The following NAGPA variants were observed in gnomAD, a reference collection of about 807,000 sequenced individuals.
NAGPA encodes alpha-N-acetylglucosaminyl phosphodiesterase.
In NAGPA, 56 loss-of-function variants were observed where a neutral mutation model predicts 48.5. The ratio of observed to expected loss-of-function variants is 1.15; its 90% CI spans 0.93 to 1.44. NAGPA has a LOEUF of 1.44. NAGPA is among the 40% of genes most tolerant of loss of function. The pLI is 0.00. For synonymous variants in NAGPA, 399 were observed against 315.5 expected, an observed-to-expected ratio of 1.26 and a Z score of -2.81; for missense variants, 888 against 735.0, an observed-to-expected ratio of 1.21 and a Z score of -2.41.
chr16:5,027,467 T>C, intron 7 of NAGPA, 88 bp from the exon 8 acceptor site: 2 of 1,366,444 alleles, frequency 1.5e-6, no homozygotes, highest in South Asian at 2.4e-5. Context: ...ACAGGATACC[T>C]GCCCCTGCCC....
chr16:5,029,122 T>G (rs533829129), intron 4 of NAGPA, 114 bp from the exon 5 acceptor site: 1 of 1,547,518 alleles, frequency 6.5e-7, no homozygotes, highest in Admixed American at 1.7e-5. Context: ...CATTTCTAAG[T>G]GGCCCCCGCC....
chr16:5,031,501 CT>C (rs1956095750), intron 3 of NAGPA: 1 of 533,082 alleles, frequency 1.9e-6, no homozygotes, highest in South Asian at 2.0e-5. Context: ...CATCTCTCCC[CT>C]TTCCCCTAAC....
At chr16:5,027,528 T>C (rs918285746) in intron 7 of NAGPA, 149 bp from the exon 8 acceptor site, 1 of 857,886 alleles carries the variant, frequency 1.2e-6, no homozygotes, top group Non-Finnish European at 1.9e-6. Context: ...CTCCCTGGAC[T>C]AGCCCCTGAA....
intron 7 of NAGPA, 125 bp downstream of exon 7, chr16:5,027,720 GC>G (rs1596661144): frequency 7.2e-7 from 1 of 1,383,410 alleles, no homozygotes; most frequent in East Asian, 2.5e-5. Flanking sequence ...TGCAGGTGAG[GC>G]CGGGGCAGAA....
chr16:5,031,853 C>T lies in NAGPA; in HGVS notation c.574G>A (p.Glu192Lys), dbSNP rs1956103318. ...CTCAGCAGCTGCACAAATGGGTTCT[C>T]AGTGTCCAGCACCTCCTCCTCAGAC... ...YLSEEEVLDT[E>K]NPFVQLLSGV... Residue 192 changes from glutamate (E) to lysine (K), a missense_variant, in exon 3 of 10, where the codon GAG (glutamate) becomes AAG (lysine). Physicochemically the swap from Glu to Lys is moderately conservative, Grantham distance 56. Coordinates refer to ENST00000312251, the MANE Select transcript of NAGPA (RefSeq NM_016256.4). 1.9e-6 allele frequency: 3 copies of T among 1,614,028 alleles called. No individual in the cohort carries two copies.
In NAGPA at chr16:5,025,660, C is replaced by A. The variant is rs755264468; in HGVS notation, c.1366G>T (p.Ala456Ser). 3 of 1,612,534 alleles carry A rather than the reference C, an allele frequency of 1.9e-6. No individual in the cohort carries two copies. ...CTGATCAGCAGGAGGAAGGCCAGCG[C>A]CAGGGTGAGGGCTAGCCAGGCGGTC... Reference protein sequence around the residue: ...TRTAWLALTLALAFLLLISTA... With the variant: ...TRTAWLALTLSLAFLLLISTA... The change falls in exon 10 of 10, where the codon GCG (alanine) becomes TCG (serine). Residue 456 changes from alanine to serine, a missense_variant. Coordinates refer to ENST00000312251, the MANE Select transcript of NAGPA (RefSeq NM_016256.4).
In NAGPA at chr16:5,027,149, G is replaced by C; in HGVS notation, c.1326C>G (p.Leu442=). 6.2e-7 allele frequency: 1 copy of C among 1,614,222 alleles called. No individual in the cohort carries two copies. The part of the protein sequence containing the change: ...PPEATLRAGE[L]SFFTRTAWLA... ...GAAGCACCTACCTGGTGAAAAAGGAGAGTTCTCCCGCCCTCAGGGTGGCTT... is the reference window on the plus strand; with the variant it reads ...GAAGCACCTACCTGGTGAAAAAGGACAGTTCTCCCGCCCTCAGGGTGGCTT... Residue 442 remains leucine (L), a synonymous_variant, in exon 9 of 10, where the codon CTC becomes CTG. Transcript: ENST00000312251.
In NAGPA at chr16:5,027,050, G is replaced by A. The variant is rs966855686; in HGVS notation, c.1340+85C>T. ...GGCAGGGAGCTGGCAGGGGACAAGG[G>A]CAGAGATGGACCTCACAGGGGAAGG... is the stretch of plus-strand genomic sequence containing the variant. On this transcript the variant is annotated intron_variant, in intron 9 of 9. Transcript: ENST00000312251. 8.6e-6 allele frequency: 13 copies of A among 1,511,772 alleles called. No individual in the cohort carries two copies. The Admixed American group carries it at 2.3e-4, about 27-fold the overall frequency. 93.6% of individuals were successfully genotyped at this position (1,511,772 alleles called of 1,614,324 possible).
Position 5,033,380 on chromosome 16 carries a change from C to A in NAGPA, c.435G>T (p.Ser145=). The A allele has an allele frequency of 6.3e-7, 1 of 1,597,322 alleles. No homozygotes were observed. The change falls in exon 2 of 10, where the codon TCG becomes TCT. Residue 145 remains serine (S), a synonymous_variant. Coordinates refer to ENST00000312251, the MANE Select transcript of NAGPA (RefSeq NM_016256.4). This position sits in a 1 kb window ranked among gnomAD's most constrained non-coding sequence, Gnocchi z 4.2. ...TCACCACGTTCCCCAGGCACTCGCC[C>A]GAGTTCATGCGGAAGAAGCCGCCGT... The part of the protein sequence containing the change: ...AQNGGFFRMN[S]GECLGNVVSD...
chr16:5,030,519 C>A, intron 3 of NAGPA, 26 bp from the exon 4 acceptor site: 1 of 1,539,992 alleles, frequency 6.5e-7, no homozygotes, highest in African/African-American at 1.4e-5. Flanking sequence ...CCTGGCTGAT[C>A]ACCGCCCCTT....
At chr16:5,025,840 T>C (rs1019901446) in intron 9 of NAGPA, among the ~76,000 whole-genome samples, 155 bp from the exon 10 acceptor site, 3 of 151,622 alleles carry the variant, frequency 2.0e-5, no homozygotes, top group African/African-American at 4.8e-5. Context: ...ATGGACTAGG[T>C]GGGGATGGGG....
chr16:5,027,201 G>C lies in NAGPA; in HGVS notation c.1277-3C>G, dbSNP rs370756088. ...AGGTGGCTGGAGACACTGCTTTACT[G>C]TAACATACCAGAGACAGGCTGAAGG... is the stretch of plus-strand genomic sequence containing the variant. On this transcript the variant is annotated splice_region_variant and splice_polypyrimidine_tract_variant and intron_variant, in intron 8 of 9. Transcript: ENST00000312251. 8.1e-6 allele frequency: 13 copies of C among 1,614,158 alleles called. No individual in the cohort carries two copies. The Admixed American group carries it at 1.2e-4, about 14-fold the overall frequency.
In NAGPA at chr16:5,025,364, A is replaced by G. The variant is rs1955976661; in HGVS notation, c.*114T>C. On this transcript the variant is annotated 3_prime_UTR_variant, in exon 10 of 10. Transcript: ENST00000312251. ...GCTATCAGGAACTTGGCTGCCCCAC[A>G]GGGGCTGAGGACACCCAGATGGTCC... 2 of 1,308,918 alleles carry G rather than the reference A, an allele frequency of 1.5e-6. No homozygotes were observed. The highest frequency in any genetic ancestry group is 1.9e-5 in the Admixed American group (1 of 53,014). 81.1% of individuals were successfully genotyped at this position (1,308,918 alleles called of 1,614,324 possible). A position where few individuals can be genotyped will look rare whatever the true frequency, so the allele number is the denominator to read the frequency against.
Position 5,028,080 on chromosome 16 carries a change from G to C in NAGPA, c.1026C>G (p.Asp342Glu). Residue 342 changes from aspartate (D) to glutamate (E), a missense_variant, in exon 6 of 10, where the codon GAC (aspartate) becomes GAG (glutamate). By Grantham distance (45) the Asp-to-Glu change is conservative. Coordinates refer to ENST00000312251, the MANE Select transcript of NAGPA (RefSeq NM_016256.4). ...AGTGCCCGGTGCATTGGCAGTGCCC[G>C]TCCACGCAGGTCCCGTGGCCGTGGC... ...PDCHGHGTCV[D>E]GHCQCTGHFW... 6.2e-7 allele frequency: 1 copy of C among 1,613,310 alleles called. No homozygotes were observed.
At position 5,033,164 on chromosome 16, in the gene NAGPA, G is replaced by A. The variant is rs1050398865; in HGVS notation, c.542+109C>T. The A allele has an allele frequency of 1.6e-6, 2 of 1,273,016 alleles. No individual in the cohort carries two copies. Among genetic ancestry groups the A allele is most frequent in the African/African-American group, 1.5e-5 (1 of 67,886 alleles). 78.9% of individuals were successfully genotyped at this position (1,273,016 alleles called of 1,614,324 possible). ...CGATTCCTATCCCCATTCTGCAGAG[G>A]AGGAAACAGGGGCTCAGCTTGGTTA... On this transcript the variant is annotated intron_variant, in intron 2 of 9. Coordinates refer to ENST00000312251, the MANE Select transcript of NAGPA (RefSeq NM_016256.4). The surrounding 1 kb of genome is among the most constrained non-coding windows in gnomAD (Gnocchi z 4.2).
At chr16:5,028,412 A>T (rs1418057774) in intron 5 of NAGPA, 13 of 870,854 alleles carry the variant, frequency 1.5e-5, no homozygotes, top group Non-Finnish European at 2.0e-5. Flanking sequence ...ATTTTTTTTT[A>T]TTTTTTCATA....
At chr16:5,032,914 A>G (rs763494489) in intron 2 of NAGPA, 1 of 332,374 alleles carries the variant, frequency 3.0e-6, no homozygotes, top group Non-Finnish European at 5.6e-6. Flanking sequence ...CCTAAAATCA[A>G]CACTATTTAC....
At chr16:5,031,946 C>G (rs757477045) in intron 2 of NAGPA, 62 bp from the exon 3 acceptor site, 68 of 1,610,446 alleles carry the variant, frequency 4.2e-5, no homozygotes, top group Non-Finnish European at 5.7e-5. Context: ...TAGTCAGGCT[C>G]TTTCTCCCTA....
In NAGPA at chr16:5,032,973, T is replaced by C. The variant is rs1956128311; in HGVS notation, c.542+300A>G. On this transcript the variant is annotated intron_variant, in intron 2 of 9. Transcript: ENST00000312251. The stretch of plus-strand genomic sequence containing the variant: ...TTTGCTGCACACACAGCAATCAGAA[T>C]GTATGTTAGCTATTTACCCGGCTTT... 1.9e-5 allele frequency: 10 copies of C among 523,488 alleles called. No homozygotes were observed. The South Asian group carries it at 2.2e-4, about 11-fold the overall frequency. 32.4% of individuals were successfully genotyped at this position (523,488 alleles called of 1,614,324 possible).
Sources: gnomAD v4.1 joint callset for allele counts (sites outside exome capture counted in the v4.1 genomes callset) on GRCh38, gnomAD v4.1.1 for gene constraint, Gnocchi (gnomAD v3.1) non-coding constraint, MANE v1.5 for transcripts, NCBI Gene and HGNC (gene_info 2026-07-23, HGNC 2026-07-21) for gene names.